Variants in SLCO3A1 observed in about 807,000 individuals in gnomAD.
SLCO3A1 encodes solute carrier organic anion transporter family member 3A1.
A neutral mutation model predicts 63.1 loss-of-function variants in SLCO3A1; 27 were observed. The observed-to-expected ratio is 0.43, with a 90% CI of 0.32 to 0.59. The LOEUF is 0.59. SLCO3A1 is among the 20% of genes least tolerant of loss of function. SLCO3A1 has a pLI of 0.09. For missense variants in SLCO3A1, 773 were observed against 945.8 expected (o/e 0.82, Z 2.40); for synonymous variants, 473 against 409.9 (o/e 1.15, Z -1.86).
At chr15:92,120,818 G>A (rs73540476) in intron 5 of SLCO3A1, among the ~76,000 whole-genome samples, 189 bp downstream of exon 5, 5,478 of 152,186 alleles carry the variant, frequency 0.036, 348 homozygotes, top group African/African-American at 0.13. Flanking sequence ...GCCTGGATCA[G>A]TTGCTAAAAG....
intron 4 of SLCO3A1, among the ~76,000 whole-genome samples, chr15:92,114,054 G>A (rs149543967): frequency 3.0e-4 from 45 of 152,236 alleles, no homozygotes; most frequent in Middle Eastern, 6.8e-3. Flanking sequence ...CAATGGGGGC[G>A]TTCTTTGATC....
chr15:92,013,923 A>T (rs1177782688), intron 2 of SLCO3A1, among the ~76,000 whole-genome samples: 1 of 152,092 alleles, frequency 6.6e-6, no homozygotes, highest in African/African-American at 2.4e-5. Flanking sequence ...TCAGGCAGGA[A>T]TTAAGCAGGT....
chr15:91,936,505 G>T (rs1288313664), intron 2 of SLCO3A1, among the ~76,000 whole-genome samples: 5 of 152,220 alleles, frequency 3.3e-5, no homozygotes, highest in Non-Finnish European at 7.3e-5. Flanking sequence ...CTTATGGATA[G>T]CTCTGGCCTG....
chr15:92,004,608 T>C (rs1285719206), intron 2 of SLCO3A1, among the ~76,000 whole-genome samples: 1 of 152,210 alleles, frequency 6.6e-6, no homozygotes, highest in East Asian at 1.9e-4. Context: ...CTGGATTAGA[T>C]GTCACCGTAG....
chr15:92,033,732 G>A lies in SLCO3A1; in HGVS notation c.647-61149G>A, dbSNP rs1245200812. 6.6e-6 allele frequency among the ~76,000 whole-genome samples: 1 copy of A among 152,188 alleles called. No individual in the cohort carries two copies. Among genetic ancestry groups the A allele is most frequent in the Non-Finnish European group, 1.5e-5 (1 of 68,036 alleles). Reference sequence around the variant, plus strand: ...GTGGCTCGCTGGTGGCAAAAAAGACGGGGATAGGAGTGTTGGGAGTCGTAC... The same window carrying A: ...GTGGCTCGCTGGTGGCAAAAAAGACAGGGATAGGAGTGTTGGGAGTCGTAC... On this transcript the variant is annotated intron_variant, in intron 2 of 9. Transcript: ENST00000318445. The surrounding 1 kb of genome is among the most constrained non-coding windows in gnomAD (Gnocchi z 4.5).
At chr15:92,156,469 A>G (rs1053515706) in intron 9 of SLCO3A1, among the ~76,000 whole-genome samples, 2 of 152,168 alleles carry the variant, frequency 1.3e-5, no homozygotes, top group Admixed American at 1.3e-4. Flanking sequence ...CCTGCTCTTG[A>G]GCCTAGCTCT....
intron 9 of SLCO3A1, among the ~76,000 whole-genome samples, chr15:92,159,323 A>G (rs930425226): frequency 4.6e-5 from 7 of 152,022 alleles, no homozygotes; most frequent in African/African-American, 1.7e-4. Context: ...CGTCTCTACT[A>G]AAAATACAAA....
At chr15:91,969,040 T>G (rs7165760) in intron 2 of SLCO3A1, among the ~76,000 whole-genome samples, 63,525 of 151,992 alleles carry the variant, frequency 0.42, 13,389 homozygotes, top group African/African-American at 0.43. Flanking sequence ...CTTGCATCAT[T>G]TTTTGGTGTG....
intron 9 of SLCO3A1, chr15:92,153,445 A>G (rs1764576034): frequency 6.6e-6 from 1 of 152,198 alleles, no homozygotes; most frequent in Non-Finnish European, 1.5e-5. Context: ...TTTCAGTTGA[A>G]AGCAGCTCAT....
At chr15:91,965,905 T>G (rs1900642286) in intron 2 of SLCO3A1, among the ~76,000 whole-genome samples, 3 of 152,158 alleles carry the variant, frequency 2.0e-5, no homozygotes, top group Non-Finnish European at 4.4e-5. Flanking sequence ...AGCTCCTTGC[T>G]TTCATTGAAG....
rs112480606 is a variant in SLCO3A1, at chr15:91,960,026, C to T, written c.646+43568C>T. ...TGAGATGGAGTCTCACTCTGTCATC[C>T]AGGCTGGAATGCAGTGGCACAATCT... On this transcript the variant is annotated intron_variant, in intron 2 of 9. Transcript: ENST00000318445. 7.6e-3 allele frequency among the ~76,000 whole-genome samples: 1,163 copies of T among 152,090 alleles called. 20 individuals are homozygous for T. The highest frequency in any genetic ancestry group is 0.027 in the African/African-American group (1,101 of 41,484).
intron 8 of SLCO3A1, 74 bp downstream of exon 8, chr15:92,147,233 G>A: frequency 7.0e-7 from 1 of 1,437,914 alleles, no homozygotes; most frequent in Non-Finnish European, 9.5e-7. Context: ...AGGGACCAGA[G>A]CTTCAGACAA....
intron 4 of SLCO3A1, among the ~76,000 whole-genome samples, chr15:92,108,648 G>A (rs1396292919): frequency 6.6e-6 from 1 of 152,210 alleles, no homozygotes; most frequent in Non-Finnish European, 1.5e-5. Flanking sequence ...GAGAGGCCTT[G>A]ATGGACATGA....
At chr15:91,927,158 G>A (rs1039661343) in intron 2 of SLCO3A1, among the ~76,000 whole-genome samples, 6 of 151,990 alleles carry the variant, frequency 3.9e-5, no homozygotes, top group African/African-American at 1.2e-4. Context: ...GACACCCCTC[G>A]GCCCTCCACT....
chr15:91,940,946 A>G (rs4932518), intron 2 of SLCO3A1, among the ~76,000 whole-genome samples: 112,210 of 152,024 alleles, frequency 0.74, 41,874 homozygotes, highest in East Asian at 0.98. Flanking sequence ...GATCAGGTCA[A>G]GAGGGGCCCC....
rs1312953135 is a variant in SLCO3A1 at position 91,954,054 on chromosome 15, GT to G, written c.646+37597del. Reference sequence around the variant, plus strand: ...AAATTAAAACTGAGGATACACAGGTGTGTGTTCTGTTAGCCATGGGCGATGT... The same window carrying G: ...AAATTAAAACTGAGGATACACAGGTGGTGTTCTGTTAGCCATGGGCGATGT... On this transcript the variant is annotated intron_variant, in intron 2 of 9. Transcript: ENST00000318445. This position sits in a 1 kb window ranked among gnomAD's most constrained non-coding sequence, Gnocchi z 4.7. Among the ~76,000 whole-genome samples, 1 of 152,194 alleles carries G rather than the reference GT, an allele frequency of 6.6e-6. No individual in the cohort carries two copies. The highest frequency in any genetic ancestry group is 1.5e-5 in the Non-Finnish European group (1 of 68,026).
At position 91,883,534 on chromosome 15, in the gene SLCO3A1, T is replaced by C. The variant is rs1265923599; in HGVS notation, c.180+29446T>C. Among the ~76,000 whole-genome samples, 1 of 152,198 alleles carries C rather than the reference T, an allele frequency of 6.6e-6. No homozygotes were observed. Among genetic ancestry groups the C allele is most frequent in the African/African-American group, 2.4e-5 (1 of 41,446 alleles). On this transcript the variant is annotated intron_variant, in intron 1 of 9. Coordinates refer to ENST00000318445, the MANE Select transcript of SLCO3A1 (RefSeq NM_013272.4). This position sits in a 1 kb window ranked among gnomAD's most constrained non-coding sequence, Gnocchi z 4.8. ...TTTTCTTGCATGCAGTAGTCTTCCATAGGGAGTTCTACCTCTCAGGTATTT... is the reference window on the plus strand; with the variant it reads ...TTTTCTTGCATGCAGTAGTCTTCCACAGGGAGTTCTACCTCTCAGGTATTT...
intron 4 of SLCO3A1, among the ~76,000 whole-genome samples, chr15:92,119,934 A>G (rs2047842207): frequency 6.6e-6 from 1 of 152,206 alleles, no homozygotes; most frequent in African/African-American, 2.4e-5. Flanking sequence ...TTAGGCATGT[A>G]CACATTTTGG....
At chr15:92,153,048 T>A (rs2048327415) in intron 9 of SLCO3A1, among the ~76,000 whole-genome samples, 1 of 152,268 alleles carries the variant, frequency 6.6e-6, no homozygotes. Flanking sequence ...TTATGAGGCA[T>A]ATGATACTGT....
Sources: allele counts gnomAD v4.1 joint callset (sites outside exome capture counted in the v4.1 genomes callset), GRCh38; gene constraint gnomAD v4.1.1; non-coding constraint Gnocchi (gnomAD v3.1); transcripts MANE v1.5; gene names NCBI Gene and HGNC (gene_info 2026-07-23, HGNC 2026-07-21).